Variants in HSPG2 observed in about 807,000 individuals in gnomAD.
HSPG2 encodes heparan sulfate proteoglycan 2.
A neutral mutation model predicts 526.6 loss-of-function variants in HSPG2; 278 were observed. The observed-to-expected ratio is 0.53, with a 90% CI of 0.48 to 0.58. The LOEUF is 0.58. Among genes scored for constraint, HSPG2 ranks in the 20% least tolerant of loss-of-function variants. The probability of loss-of-function intolerance (pLI) is 0.00; values close to 1 mark genes in which losing one functional copy is unlikely to be tolerated. For synonymous variants in HSPG2, 2,465 were observed against 2,555.4 expected (o/e 0.96, Z 1.07); for missense variants, 5,354 against 6,099.5 (o/e 0.88, Z 4.07).
In HSPG2 at chr1:21,887,757, C is replaced by T. The variant is rs1291739274; in HGVS notation, c.704-83G>A. ...TGTCCCCAACCCTCCCCAGGCCCAC[C>T]CTGTACTCCCCAACACCACTCCCTG... On this transcript the variant is annotated intron_variant, in intron 7 of 96. Transcript: ENST00000374695. This position sits in a 1 kb window ranked among gnomAD's most constrained non-coding sequence, Gnocchi z 5.0. 5.0e-6 allele frequency: 8 copies of T among 1,591,206 alleles called. 1 individual carries two copies. Among genetic ancestry groups the T allele is most frequent in the African/African-American group, 1.3e-5 (1 of 74,404 alleles).
rs1286085119 is a variant in HSPG2 at position 21,828,939 on chromosome 1, C to T, written c.12133G>A (p.Gly4045Ser). Residue 4045 changes from glycine (G) to serine (S), a missense_variant, in exon 88 of 97, where the codon GGC (glycine) becomes AGC (serine). Gly to Ser is a moderately conservative substitution (Grantham distance 56, BLOSUM62 0). Transcript: ENST00000374695. This position sits in a 1 kb window ranked among gnomAD's most constrained non-coding sequence, Gnocchi z 6.0. ...TAGAGCAGGGTGTGCAGGTTGAGGC[C>T]CTGGCTCTTGCCGGGCGAGGAGCGC... ...VLRSSPGKSQ[G>S]LNLHTLLYLG... 7 of 1,573,372 alleles carry T rather than the reference C, an allele frequency of 4.4e-6. No homozygotes were observed. The highest frequency in any genetic ancestry group is 1.8e-5 in the Admixed American group (1 of 54,454).
rs981986810 is a variant in HSPG2, at chr1:21,834,682, G to C, written c.10717C>G (p.Gln3573Glu). ...AAAAGTCCCCACTGGCCTTCACCTTGCACAAGCAGCAGGACGTGGGATTGT... is the reference window on the plus strand; with the variant it reads ...AAAAGTCCCCACTGGCCTTCACCTTCCACAAGCAGCAGGACGTGGGATTGT... Reference protein sequence around the residue: ...TTQSHVLLLVQALPQISMPQE... With the variant: ...TTQSHVLLLVEALPQISMPQE... The change falls in exon 77 of 97, where the codon CAA becomes GAA. Residue 3573 changes from glutamine (Q) to glutamate (E), a missense_variant. Transcript: ENST00000374695. The C allele has an allele frequency of 2.5e-6, 4 of 1,613,992 alleles. No homozygotes were observed. In the African/African-American group the frequency reaches 5.3e-5, roughly 22 times the overall value.
intron 65 of HSPG2, 30 bp from the exon 66 acceptor site, chr1:21,843,468 G>T (rs758413872): frequency 4.4e-6 from 7 of 1,597,780 alleles, no homozygotes; most frequent in Non-Finnish European, 4.3e-6. Flanking sequence ...AGCGGGGAGG[G>T]TGAGCTGGGA....
At chr1:21,863,073 A>AAC (rs1166424565) in intron 37 of HSPG2, among the ~76,000 whole-genome samples, 1 of 139,510 alleles carries the variant, frequency 7.2e-6, no homozygotes, top group Non-Finnish European at 1.5e-5. Context: ...AAAAAAAAAA[A>AAC]AAAAAAAAAA....
chr1:21,864,158 T>C lies in HSPG2; in HGVS notation c.4682A>G (p.Glu1561Gly). Residue 1561 changes from glutamate (E) to glycine (G), a missense_variant, in exon 37 of 97, where the codon GAG (glutamate) becomes GGG (glycine). Coordinates refer to ENST00000374695, the MANE Select transcript of HSPG2 (RefSeq NM_005529.7). The surrounding 1 kb of genome is among the most constrained non-coding windows in gnomAD (Gnocchi z 4.8). ...TGAGTGGCCATTGCATTCACATAGC[T>C]CGCAGTGGCCGAGGTAGAGCCCACT... is the stretch of plus-strand genomic sequence containing the variant. ...TGSGLYLGHC[E>G]LCECNGHSDL... The C allele has an allele frequency of 6.4e-7, 1 of 1,556,606 alleles. No individual in the cohort carries two copies. Among genetic ancestry groups the C allele is most frequent in the Non-Finnish European group, 8.7e-7 (1 of 1,150,006 alleles).
chr1:21,844,409 T>G, intron 64 of HSPG2, 110 bp from the exon 65 acceptor site: 2 of 1,229,884 alleles, frequency 1.6e-6, no homozygotes, highest in South Asian at 3.0e-5. Context: ...ATGGCTTCTT[T>G]CCCTTCCCGT....
chr1:21,880,456 T>C lies in HSPG2; in HGVS notation c.2102A>G (p.Lys701Arg). The C allele has an allele frequency of 6.2e-7, 1 of 1,613,988 alleles. No homozygotes were observed. The highest frequency in any genetic ancestry group is 8.5e-7 in the Non-Finnish European group (1 of 1,179,994). Residue 701 changes from lysine to arginine, a missense_variant, in exon 16 of 97, where the codon AAG (lysine) becomes AGG (arginine). Transcript: ENST00000374695. ...GTCGCTAAGTCCCACGCTGGCCATC[T>C]TGGTGTTGTACACGGTCTGGATGAG... ...AVLIQTVYNT[K>R]MASVGLSDIA...
chr1:21,879,077 C>A lies in HSPG2; in HGVS notation c.2388G>T (p.Lys796Asn). The change falls in exon 18 of 97, where the codon AAG (lysine) becomes AAT (asparagine). Residue 796 changes from lysine to asparagine, a missense_variant. By Grantham distance (94) the Lys-to-Asn change is moderately conservative. Coordinates refer to ENST00000374695, the MANE Select transcript of HSPG2 (RefSeq NM_005529.7). ...NTEGPQCNKC[K>N]AGFFGDAMKA... ...TCATGGCGTCCCCAAAGAAGCCAGC[C>A]TTGCACTTGTTGCACTGTGGCCCCT... The A allele has an allele frequency of 6.2e-7, 1 of 1,614,274 alleles. No homozygotes were observed. The highest frequency in any genetic ancestry group is 8.5e-7 in the Non-Finnish European group (1 of 1,180,052).
At chr1:21,846,624 C>T (rs373672476) in intron 62 of HSPG2, 25 bp from the exon 63 acceptor site, 61 of 1,613,028 alleles carry the variant, frequency 3.8e-5, no homozygotes, top group Admixed American at 1.0e-4. Flanking sequence ...ATCAGTGAGT[C>T]GGCACAGCCG....
Position 21,872,511 on chromosome 1 carries a change from T to C in HSPG2, c.4029+109A>G. On this transcript the variant is annotated intron_variant, in intron 32 of 96. Coordinates refer to ENST00000374695, the MANE Select transcript of HSPG2 (RefSeq NM_005529.7). This position sits in a 1 kb window ranked among gnomAD's most constrained non-coding sequence, Gnocchi z 5.5. ...GACTGCGAGAGAAATAATGGGGGCA[T>C]GTGAGGGTACTGAGGCGGGGATGAG... 7.0e-7 allele frequency: 1 copy of C among 1,425,612 alleles called. No individual in the cohort carries two copies. Among genetic ancestry groups the C allele is most frequent in the Non-Finnish European group, 9.7e-7 (1 of 1,034,742 alleles). The allele number at this position is 1,425,612 out of a possible 1,614,324, so 88.3% of individuals were successfully genotyped here. A position where few individuals can be genotyped will look rare whatever the true frequency, so the allele number is the denominator to read the frequency against.
Position 21,838,863 on chromosome 1 carries a change from A to G in HSPG2, c.10112T>C (p.Val3371Ala), listed in dbSNP as rs1335142967. 6.2e-7 allele frequency: 1 copy of G among 1,612,644 alleles called. No homozygotes were observed. Among genetic ancestry groups the G allele is most frequent in the South Asian group, 1.1e-5 (1 of 90,884 alleles). Residue 3371 changes from valine to alanine, a missense_variant, in exon 74 of 97, where the codon GTG becomes GCG. Transcript: ENST00000374695. Reference sequence around the variant, plus strand: ...CTGGGCAAAGGCCTCGGCTGAGCCCACCTTGTTGGTGACCCGGCAGCGGTA... The same window carrying G: ...CTGGGCAAAGGCCTCGGCTGAGCCCGCCTTGTTGGTGACCCGGCAGCGGTA... The part of the protein sequence containing the change: ...GRYRCRVTNK[V>A]GSAEAFAQLL...
At position 21,833,274 on chromosome 1, in the gene HSPG2, C is replaced by G; in HGVS notation, c.11089G>C (p.Ala3697Pro). 2 of 1,613,814 alleles carry G rather than the reference C, an allele frequency of 1.2e-6. No homozygotes were observed. Among genetic ancestry groups the G allele is most frequent in the Non-Finnish European group, 8.5e-7 (1 of 1,179,716 alleles). The change falls in exon 80 of 97, where the codon GCC (alanine) becomes CCC (proline). Residue 3697 changes from alanine (A) to proline (P), a missense_variant. Ala to Pro is a conservative substitution (Grantham distance 27). Coordinates refer to ENST00000374695, the MANE Select transcript of HSPG2 (RefSeq NM_005529.7). ...AATTAACCCTCCTGCTCACCATCGG[C>G]TGAGTCGGGCCGGAAGGTGATCTTG... ...EIKITFRPDS[A>P]DGMLLYNGQK...
At chr1:21,928,295 T>C (rs1644257544) in intron 1 of HSPG2, among the ~76,000 whole-genome samples, 1 of 152,246 alleles carries the variant, frequency 6.6e-6, no homozygotes, top group African/African-American at 2.4e-5. Context: ...TCCCACATCT[T>C]CTGGGGCCCT....
chr1:21,855,740 C>A (rs992588933), intron 45 of HSPG2, 47 bp downstream of exon 45: 1 of 1,608,398 alleles, frequency 6.2e-7, no homozygotes. Flanking sequence ...TCCCCTCCCA[C>A]ACCCAGGAGA....
intron 1 of HSPG2, among the ~76,000 whole-genome samples, chr1:21,936,093 G>A (rs1644481790): frequency 6.6e-6 from 1 of 152,110 alleles, no homozygotes; most frequent in Non-Finnish European, 1.5e-5. Context: ...GGCAGGTATG[G>A]GGACTGCCTA....
chr1:21,873,760 G>A (rs1640835614), intron 29 of HSPG2, among the ~76,000 whole-genome samples, 165 bp downstream of exon 29: 1 of 152,170 alleles, frequency 6.6e-6, no homozygotes, highest in Admixed American at 6.5e-5. Context: ...TGGGCTAGAG[G>A]TTGAGTCTCC....
intron 62 of HSPG2, among the ~76,000 whole-genome samples, chr1:21,846,999 C>CAA (rs34373270): frequency 7.1e-6 from 1 of 140,860 alleles, no homozygotes; most frequent in Non-Finnish European, 1.6e-5. Flanking sequence ...GACTCCCTCT[C>CAA]AAAAAAAAAA....
chr1:21,869,695 G>A, intron 33 of HSPG2: 15 of 986,144 alleles, frequency 1.5e-5, no homozygotes, highest in Non-Finnish European at 1.7e-5. Context: ...AGCGGCAGAA[G>A]GGAGCAGAGA....
chr1:21,835,478 C>T, intron 76 of HSPG2, 62 bp downstream of exon 76: 1 of 1,076,788 alleles, frequency 9.3e-7, no homozygotes, highest in Non-Finnish European at 1.4e-6. Flanking sequence ...GGGCCTTGTG[C>T]CTCTCTGCCT....
Sources: allele counts gnomAD v4.1 joint callset (sites outside exome capture counted in the v4.1 genomes callset), GRCh38; gene constraint gnomAD v4.1.1; non-coding constraint Gnocchi (gnomAD v3.1); transcripts MANE v1.5; gene names NCBI Gene and HGNC (gene_info 2026-07-23, HGNC 2026-07-21).